The following RFC1 variants were observed in gnomAD, a reference collection of about 807,000 sequenced individuals.
RFC1 encodes the protein replication factor C subunit 1.
Under a neutral mutation model 137.4 loss-of-function variants are expected in RFC1, and 37 were observed. The observed-to-expected ratio is 0.27, with a 90% CI of 0.21 to 0.35. The LOEUF (loss-of-function observed/expected upper bound fraction) is 0.35. Among genes scored for constraint, RFC1 ranks in the 10% least tolerant of loss-of-function variants. RFC1 has a pLI of 1.00. For missense variants in RFC1, 1,205 were observed against 1,358.5 expected (o/e 0.89, Z 1.78); for synonymous variants, 429 against 455.7 (o/e 0.94, Z 0.75).
At position 39,333,416 on chromosome 4, in the gene RFC1, A is replaced by G. The variant is rs147179382; in HGVS notation, c.332-5660T>C. ...ATCAGAGGTGATGACAAATATTTGCATATAAATTTAGTCTAGTCATCACAC... is the reference window on the plus strand; with the variant it reads ...ATCAGAGGTGATGACAAATATTTGCGTATAAATTTAGTCTAGTCATCACAC... On this transcript the variant is annotated intron_variant, in intron 4 of 24. Coordinates refer to ENST00000349703, the MANE Select transcript of RFC1 (RefSeq NM_002913.5). Among the ~76,000 whole-genome samples, 861 of 152,328 alleles carry G rather than the reference A, an allele frequency of 5.7e-3. 11 individuals are homozygous for G. The highest frequency in any genetic ancestry group is 0.02 in the African/African-American group (837 of 41,568).
intron 10 of RFC1, 23 bp from the exon 11 acceptor site, chr4:39,312,954 A>G (rs1244724954): frequency 6.4e-7 from 1 of 1,571,510 alleles, no homozygotes; most frequent in African/African-American, 1.4e-5. Flanking sequence ...ATGTTCAAGC[A>G]GAGAGGAAAT....
In RFC1 at chr4:39,327,689, A is replaced by G. The variant is rs370664179; in HGVS notation, c.399T>C (p.Asn133=). 4 of 1,613,410 alleles carry G rather than the reference A, an allele frequency of 2.5e-6. No homozygotes were observed. Among genetic ancestry groups the G allele is most frequent in the South Asian group, 2.2e-5 (2 of 91,010 alleles). Residue 133 remains asparagine (N), a synonymous_variant, in exon 5 of 25, where the codon AAT becomes AAC. Coordinates refer to ENST00000349703, the MANE Select transcript of RFC1 (RefSeq NM_002913.5). Reference sequence around the variant, plus strand: ...TCATGTTTGATGTTCCAAGATGACTATTTGTAGATCTTCCATTCTCTTTTG... The same window carrying G: ...TCATGTTTGATGTTCCAAGATGACTGTTTGTAGATCTTCCATTCTCTTTTG... ...SKSKENGRST[N]SHLGTSNMKK... is the part of the protein sequence containing the mutation.
chr4:39,288,095 G>A lies in RFC1; in HGVS notation c.*666C>T, dbSNP rs771784269. Reference sequence around the variant, plus strand: ...GCCAATGTTATGTTTCACACAACAGGTTAGTAAGGAATACAGTGAGCTTTT... The same window carrying A: ...GCCAATGTTATGTTTCACACAACAGATTAGTAAGGAATACAGTGAGCTTTT... On this transcript the variant is annotated 3_prime_UTR_variant, in exon 25 of 25. Coordinates refer to ENST00000349703, the MANE Select transcript of RFC1 (RefSeq NM_002913.5). 2 of 152,212 alleles carry A rather than the reference G, an allele frequency of 1.3e-5. No individual in the cohort carries two copies. Among genetic ancestry groups the A allele is most frequent in the Non-Finnish European group, 2.9e-5 (2 of 68,040 alleles). The allele number at this position is 152,212 out of a possible 1,614,324, so 9.4% of individuals were successfully genotyped here.
intron 4 of RFC1, among the ~76,000 whole-genome samples, chr4:39,328,968 C>T (rs1159478919): frequency 6.6e-6 from 1 of 151,668 alleles, no homozygotes; most frequent in African/African-American, 2.4e-5. Flanking sequence ...TCATTTAAGA[C>T]CATAAATTCT....
At chr4:39,351,120 G>A (rs983351379) in intron 2 of RFC1, among the ~76,000 whole-genome samples, 7 of 151,636 alleles carry the variant, frequency 4.6e-5, no homozygotes, top group East Asian at 1.9e-4. Context: ...GTGTGGTGGC[G>A]GGCGCCTGTA....
In RFC1 at chr4:39,347,579, CT is replaced by C. The variant is rs368122356; in HGVS notation, c.133-2104del. ...CAAACAAACAAAAACAAAACAAAAC[CT>C]AAAATACAGAAGTGACTTTGGAACT... On this transcript the variant is annotated intron_variant, in intron 2 of 24. Transcript: ENST00000349703. 1.8e-3 allele frequency among the ~76,000 whole-genome samples: 269 copies of C among 152,198 alleles called. 1 individual carries two copies. The highest frequency in any genetic ancestry group is 6.3e-3 in the African/African-American group (260 of 41,524).
intron 9 of RFC1, among the ~76,000 whole-genome samples, chr4:39,319,887 G>C (rs375916571): frequency 5.9e-5 from 9 of 152,270 alleles, no homozygotes; most frequent in African/African-American, 2.2e-4. Context: ...AAAGCAGGTT[G>C]GCCAGAGAGA....
intron 12 of RFC1, 56 bp from the exon 13 acceptor site, chr4:39,309,088 T>C (rs1738838997): frequency 1.3e-6 from 2 of 1,525,272 alleles, no homozygotes. Flanking sequence ...ACAGAATTTC[T>C]ATCCTGCTAA....
chr4:39,326,467 A>G, intron 6 of RFC1, 96 bp downstream of exon 6: 1 of 824,760 alleles, frequency 1.2e-6, no homozygotes, highest in Non-Finnish European at 1.9e-6. Context: ...CTTATTTTAC[A>G]TGTAACTTCC....
chr4:39,333,529 CAT>C (rs1211603201), intron 4 of RFC1, among the ~76,000 whole-genome samples: 2 of 151,088 alleles, frequency 1.3e-5, no homozygotes, highest in East Asian at 3.9e-4. Flanking sequence ...ACAATGGACT[CAT>C]GAAGCCATCA....
chr4:39,351,329 T>G lies in RFC1; in HGVS notation c.132+19A>C, dbSNP rs749054105. The G allele has an allele frequency of 1.4e-6, 2 of 1,456,296 alleles. No individual in the cohort carries two copies. The highest frequency in any genetic ancestry group is 5.6e-5 in the East Asian group (2 of 35,416). The allele number at this position is 1,456,296 out of a possible 1,614,324, so 90.2% of individuals were successfully genotyped here. A position where few individuals can be genotyped will look rare whatever the true frequency, so the allele number is the denominator to read the frequency against. ...ATTTTACATTTCATTCAATGCAAAA[T>G]TATACCCAGAAAACTAACCTTGATT... On this transcript the variant is annotated intron_variant, in intron 2 of 24. Coordinates refer to ENST00000349703, the MANE Select transcript of RFC1 (RefSeq NM_002913.5).
intron 1 of RFC1, 43 bp downstream of exon 1, chr4:39,366,195 GC>G (rs754497113): frequency 7.8e-6 from 12 of 1,547,862 alleles, no homozygotes; most frequent in African/African-American, 6.9e-5. Flanking sequence ...GGCCTGCAAA[GC>G]CCCCCCAGAC....
Position 39,320,420 on chromosome 4 carries a change from GT to G in RFC1, c.1057del (p.Thr353LeufsTer15). On this transcript the variant is annotated frameshift_variant, in exon 9 of 25. Transcript: ENST00000349703. LOFTEE classifies it high-confidence loss of function. ...NAIKLKGETK[T>X]PKKTKSSPAK... Reference sequence around the variant, plus strand: ...TGGAGAACTTTTGGTTTTCTTAGGAGTTTTTGTCTCTCCTTTCAATTTAATG... The same window carrying G: ...TGGAGAACTTTTGGTTTTCTTAGGAGTTTTGTCTCTCCTTTCAATTTAATG... The G allele has an allele frequency of 6.4e-7, 1 of 1,559,922 alleles. No individual in the cohort carries two copies. Among genetic ancestry groups the G allele is most frequent in the South Asian group, 1.2e-5 (1 of 82,072 alleles).
At chr4:39,313,635 G>A (rs899309999) in intron 10 of RFC1, among the ~76,000 whole-genome samples, 1 of 152,136 alleles carries the variant, frequency 6.6e-6, no homozygotes. Flanking sequence ...CATATCTGAA[G>A]GCTACTGAAT....
chr4:39,292,600 C>T (rs1308901280), intron 22 of RFC1, among the ~76,000 whole-genome samples: 1 of 150,890 alleles, frequency 6.6e-6, no homozygotes, highest in African/African-American at 2.4e-5. Context: ...TCAAACCAGG[C>T]ATTTATATGT....
rs1487928178 is a variant in RFC1, at chr4:39,287,918, C to T, written c.*843G>A. 3.9e-5 allele frequency: 6 copies of T among 152,180 alleles called. No homozygotes were observed. The highest frequency in any genetic ancestry group is 8.8e-5 in the Non-Finnish European group (6 of 68,046). 9.4% of individuals were successfully genotyped at this position (152,180 alleles called of 1,614,324 possible). ...GTCTGAACCTGATGGGTTGAGACTC[C>T]AGAAGGATAAGAATGTCTGAGAATC... On this transcript the variant is annotated 3_prime_UTR_variant, in exon 25 of 25. Transcript: ENST00000349703.
chr4:39,325,398 C>T (rs1296353557), intron 6 of RFC1, among the ~76,000 whole-genome samples: 1 of 152,098 alleles, frequency 6.6e-6, no homozygotes, highest in East Asian at 1.9e-4. Flanking sequence ...TATTATTTTC[C>T]GAGAGACAAG....
chr4:39,345,310 C>T (rs1317898717), intron 3 of RFC1, 91 bp downstream of exon 3: 11 of 1,099,224 alleles, frequency 1.0e-5, no homozygotes, highest in South Asian at 5.8e-5. Context: ...CATGAGCCAC[C>T]GCACCCATCC....
At chr4:39,357,856 A>C (rs1181163320) in intron 1 of RFC1, among the ~76,000 whole-genome samples, 2 of 151,754 alleles carry the variant, frequency 1.3e-5, no homozygotes, top group Non-Finnish European at 2.9e-5. Context: ...TGACCTCATG[A>C]TCCACCTCCC....
Sources: gnomAD v4.1 joint callset for allele counts (sites outside exome capture counted in the v4.1 genomes callset) on GRCh38, gnomAD v4.1.1 for gene constraint, MANE v1.5 for transcripts, NCBI Gene and HGNC (gene_info 2026-07-23, HGNC 2026-07-21) for gene names.